The following LGR6 variants were observed in gnomAD, a reference collection of about 807,000 sequenced individuals.
LGR6 encodes leucine-rich repeat-containing G protein-coupled receptor 6.
Under a neutral mutation model 69.4 loss-of-function variants are expected in LGR6, and 45 were observed. The observed-to-expected ratio is 0.65, with a 90% confidence interval of 0.51 to 0.83. The LOEUF (loss-of-function observed/expected upper bound fraction) is 0.83. LGR6 is among the 40% of genes least tolerant of loss of function. The pLI is 0.00. For missense variants in LGR6, 1,108 were observed against 1,246.7 expected, an observed-to-expected ratio of 0.89 and a Z score of 1.68; for synonymous variants, 538 against 555.0, an observed-to-expected ratio of 0.97 and a Z score of 0.43.
At chr1:202,313,175 C>T (rs1485860816) in intron 16 of LGR6, among the ~76,000 whole-genome samples, 1 of 150,664 alleles carries the variant, frequency 6.6e-6, no homozygotes, top group African/African-American at 2.4e-5. Context: ...TGCAGTGAGC[C>T]GAGATCATGC....
intron 1 of LGR6, among the ~76,000 whole-genome samples, chr1:202,216,075 G>T (rs1490521639): frequency 6.6e-6 from 1 of 152,166 alleles, no homozygotes; most frequent in Non-Finnish European, 1.5e-5. Context: ...GGACTTTGCC[G>T]CTTCGTCACC....
At chr1:202,265,329 G>A (rs1664559204) in intron 4 of LGR6, among the ~76,000 whole-genome samples, 1 of 152,182 alleles carries the variant, frequency 6.6e-6, no homozygotes, top group South Asian at 2.1e-4. Context: ...TCACTTTTGG[G>A]CTCTTCAGGG....
At position 202,193,838 on chromosome 1, in the gene LGR6, G is replaced by C. The variant is rs921959924; in HGVS notation, c.-152G>C. ...GCCCCTCTCTGACTGCACCGTCCCGGCGCTCCCACCGCCGCCGCCGCCGCC... is the reference window on the plus strand; with the variant it reads ...GCCCCTCTCTGACTGCACCGTCCCGCCGCTCCCACCGCCGCCGCCGCCGCC... On this transcript the variant is annotated 5_prime_UTR_variant, in exon 1 of 18. Coordinates refer to ENST00000367278, the MANE Select transcript of LGR6 (RefSeq NM_001017403.2). 2 of 324,258 alleles carry C rather than the reference G, an allele frequency of 6.2e-6. No individual in the cohort carries two copies. Among genetic ancestry groups the C allele is most frequent in the African/African-American group, 4.4e-5 (2 of 45,684 alleles). 20.1% of individuals were successfully genotyped at this position (324,258 alleles called of 1,614,324 possible). A position where few individuals can be genotyped will look rare whatever the true frequency, so the allele number is the denominator to read the frequency against.
chr1:202,200,194 G>A (rs2924108), intron 1 of LGR6, among the ~76,000 whole-genome samples: 374 of 152,318 alleles, frequency 2.5e-3, no homozygotes, highest in Non-Finnish European at 4.3e-3. Context: ...GGGGATGCCC[G>A]GAGGAGCTGG....
intron 5 of LGR6, among the ~76,000 whole-genome samples, chr1:202,277,276 C>T (rs892718864): frequency 1.3e-5 from 2 of 152,056 alleles, no homozygotes; most frequent in Admixed American, 6.6e-5. Flanking sequence ...GAAGATCTGG[C>T]GTGATTTTCT....
At chr1:202,290,486 T>C (rs1558066403) in intron 6 of LGR6, among the ~76,000 whole-genome samples, 2 of 152,166 alleles carry the variant, frequency 1.3e-5, no homozygotes, top group Non-Finnish European at 2.9e-5. Flanking sequence ...AGGAAAGTGT[T>C]TTAAACCAGG....
chr1:202,292,013 T>TA (rs1245727865), intron 6 of LGR6, among the ~76,000 whole-genome samples: 6 of 152,222 alleles, frequency 3.9e-5, no homozygotes, highest in African/African-American at 1.4e-4. Context: ...TGACTAGGAT[T>TA]TTAACAGCTG....
At chr1:202,292,031 G>A (rs1404879247) in intron 6 of LGR6, among the ~76,000 whole-genome samples, 1 of 152,176 alleles carries the variant, frequency 6.6e-6, no homozygotes, top group Non-Finnish European at 1.5e-5. Flanking sequence ...CTGAGGATGT[G>A]GGGAAAGGGT....
In LGR6 at chr1:202,303,352, G is replaced by C; in HGVS notation, c.998+5G>C. 6.2e-7 allele frequency: 1 copy of C among 1,611,282 alleles called. No individual in the cohort carries two copies. Among genetic ancestry groups the C allele is most frequent in the Non-Finnish European group, 8.5e-7 (1 of 1,177,400 alleles). On this transcript the variant is annotated splice_donor_5th_base_variant and intron_variant, in intron 10 of 17. Coordinates refer to ENST00000367278, the MANE Select transcript of LGR6 (RefSeq NM_001017403.2). ...CACCACCAGCCTGGAGATCCTGTGA[G>C]TGGCTTCTCTCTCCCTACCTTATCT...
At chr1:202,252,701 G>C (rs969364992) in intron 4 of LGR6, among the ~76,000 whole-genome samples, 1 of 152,242 alleles carries the variant, frequency 6.6e-6, no homozygotes, top group East Asian at 1.9e-4. Context: ...GGACTTGTGG[G>C]ATTGGGACAC....
chr1:202,219,709 C>T (rs975424814), intron 1 of LGR6, among the ~76,000 whole-genome samples: 2 of 152,140 alleles, frequency 1.3e-5, no homozygotes, highest in African/African-American at 4.8e-5. Context: ...ATTTGCCAGG[C>T]ACCCTGATAG....
chr1:202,251,209 G>A lies in LGR6; in HGVS notation c.428+15216G>A, dbSNP rs537657068. On this transcript the variant is annotated intron_variant, in intron 4 of 17. Transcript: ENST00000367278. ...GAATTCACAGAGAGAAGGTGTATGA[G>A]GAGGCTGCAGGCCTCCACTGTCTGA... is the stretch of plus-strand genomic sequence containing the variant. Among the ~76,000 whole-genome samples the A allele has an allele frequency of 5.9e-5, 9 of 152,290 alleles. 1 individual carries two copies. In the South Asian group the frequency reaches 1.2e-3, roughly 21 times the overall value.
At chr1:202,307,531 C>G (rs1572012231) in intron 14 of LGR6, 130 bp downstream of exon 14, 1 of 730,974 alleles carries the variant, frequency 1.4e-6, no homozygotes, top group East Asian at 2.6e-5. Context: ...TCAGCCTAAT[C>G]AATCATTCTG....
chr1:202,304,048 A>G (rs1339528245), intron 10 of LGR6, among the ~76,000 whole-genome samples: 1 of 152,130 alleles, frequency 6.6e-6, no homozygotes, highest in Admixed American at 6.5e-5. Flanking sequence ...CTGCCCCCAC[A>G]GCCCTCTCCA....
At chr1:202,288,880 GAAC>G (rs2148212454) in intron 6 of LGR6, among the ~76,000 whole-genome samples, 1 of 152,314 alleles carries the variant, frequency 6.6e-6, no homozygotes, top group South Asian at 2.1e-4. Context: ...CTGTGGTCAG[GAAC>G]ACCTCAGAGC....
chr1:202,237,069 T>C (rs1661627406), intron 4 of LGR6, among the ~76,000 whole-genome samples: 1 of 152,186 alleles, frequency 6.6e-6, no homozygotes, highest in Admixed American at 6.5e-5. Flanking sequence ...CTCCTACTCC[T>C]TCCCTGGGTG....
At chr1:202,290,602 G>T (rs1225221082) in intron 6 of LGR6, among the ~76,000 whole-genome samples, 1 of 152,242 alleles carries the variant, frequency 6.6e-6, no homozygotes, top group Non-Finnish European at 1.5e-5. Flanking sequence ...GCCAGGCGCG[G>T]TGGCTCACGC....
At chr1:202,239,150 C>T (rs902323127) in intron 4 of LGR6, among the ~76,000 whole-genome samples, 3 of 152,230 alleles carry the variant, frequency 2.0e-5, no homozygotes, top group South Asian at 2.1e-4. Context: ...AGGTGTCTTC[C>T]GGCCGGCTCT....
At chr1:202,256,981 T>A (rs976598775) in intron 4 of LGR6, among the ~76,000 whole-genome samples, 2 of 152,242 alleles carry the variant, frequency 1.3e-5, no homozygotes, top group Non-Finnish European at 2.9e-5. Flanking sequence ...AAGGATCTTT[T>A]TGTGTACTTA....
Sources: allele counts gnomAD v4.1 joint callset (sites outside exome capture counted in the v4.1 genomes callset), GRCh38; gene constraint gnomAD v4.1.1; transcripts MANE v1.5; gene names NCBI Gene and HGNC (gene_info 2026-07-23, HGNC 2026-07-21).